Variants in PRICKLE1 observed in about 807,000 individuals in gnomAD.
PRICKLE1 encodes the protein prickle-like protein 1.
A neutral mutation model predicts 70.2 loss-of-function variants in PRICKLE1; 14 were observed. The observed-to-expected ratio is 0.20, with a 90% CI of 0.13 to 0.31. The LOEUF (loss-of-function observed/expected upper bound fraction) is 0.31, where lower values mean the gene tolerates loss of function less well. PRICKLE1 is among the 10% of genes least tolerant of loss of function. The probability of loss-of-function intolerance (pLI) is 1.00; values close to 1 mark genes in which losing one functional copy is unlikely to be tolerated. For missense variants in PRICKLE1, 821 were observed against 1,026.2 expected (o/e 0.80, Z 2.73); for synonymous variants, 357 against 379.9 (o/e 0.94, Z 0.70).
intron 1 of PRICKLE1, among the ~76,000 whole-genome samples, chr12:42,564,070 A>C (rs1178073317): frequency 1.3e-5 from 2 of 151,658 alleles, no homozygotes; most frequent in African/African-American, 4.8e-5. Context: ...CATCCTGGCC[A>C]ACATGGTGAA....
intron 1 of PRICKLE1, among the ~76,000 whole-genome samples, chr12:42,477,535 A>AC (rs1938617584): frequency 7.9e-6 from 1 of 125,932 alleles, no homozygotes; most frequent in Admixed American, 8.3e-5. Flanking sequence ...TATATATATG[A>AC]CCTCACAAAT....
chr12:42,507,901 C>T (rs902362547), intron 1 of PRICKLE1, among the ~76,000 whole-genome samples: 55 of 152,126 alleles, frequency 3.6e-4, no homozygotes, highest in African/African-American at 1.3e-3. Flanking sequence ...GGAGGATACA[C>T]AGTATAAGAT....
At chr12:42,491,887 G>A (rs1939111520) in intron 1 of PRICKLE1, among the ~76,000 whole-genome samples, 1 of 148,768 alleles carries the variant, frequency 6.7e-6, no homozygotes, top group Non-Finnish European at 1.5e-5. Context: ...GGGTTCAAGT[G>A]ATTCTCCTGC....
At chr12:42,532,855 TCACTG>T (rs1290567699) in intron 1 of PRICKLE1, among the ~76,000 whole-genome samples, 1 of 148,864 alleles carries the variant, frequency 6.7e-6, no homozygotes, top group East Asian at 2.0e-4. Context: ...CGAGATCGTG[TCACTG>T]CACTCCAGCC....
chr12:42,505,321 C>T (rs895197449), intron 1 of PRICKLE1, among the ~76,000 whole-genome samples: 8 of 152,190 alleles, frequency 5.3e-5, no homozygotes, highest in African/African-American at 1.9e-4. Flanking sequence ...GTTTTGTCCT[C>T]CACAGGTATT....
chr12:42,562,994 C>A (rs1323567111), intron 1 of PRICKLE1, among the ~76,000 whole-genome samples: 3 of 151,904 alleles, frequency 2.0e-5, no homozygotes, highest in Admixed American at 2.0e-4. Flanking sequence ...ACCAGCCTGG[C>A]CCACATGGTG....
chr12:42,466,259 G>C lies in PRICKLE1; in HGVS notation c.710C>G (p.Pro237Arg). The change falls in exon 6 of 8, where the codon CCC (proline) becomes CGC (arginine). Residue 237 changes from proline to arginine, a missense_variant. Physicochemically the swap from Pro to Arg is moderately radical, Grantham distance 103. Transcript: ENST00000345127. ...AGACTCAAAACAGCCACAGCAGAAG[G>C]GGCGGCCGTCCTTCATGATATACCT... ...GQRYIMKDGR[P>R]FCCGCFESLY... 2.5e-6 allele frequency: 4 copies of C among 1,614,188 alleles called. No homozygotes were observed. The highest frequency in any genetic ancestry group is 3.4e-6 in the Non-Finnish European group (4 of 1,180,030).
chr12:42,511,861 C>G (rs1939519261), intron 1 of PRICKLE1, among the ~76,000 whole-genome samples: 1 of 152,162 alleles, frequency 6.6e-6, no homozygotes, highest in Admixed American at 6.5e-5. Context: ...TTCTAGGATG[C>G]AAAGAATGCT....
intron 1 of PRICKLE1, among the ~76,000 whole-genome samples, chr12:42,572,464 TAAA>T (rs1566132158): frequency 1.1e-4 from 17 of 148,710 alleles, no homozygotes; most frequent in African/African-American, 2.3e-4. Flanking sequence ...AATAAATAAA[TAAA>T]TAAATTAAAA....
chr12:42,576,875 T>C (rs961335111), intron 1 of PRICKLE1, among the ~76,000 whole-genome samples: 1 of 152,202 alleles, frequency 6.6e-6, no homozygotes, highest in African/African-American at 2.4e-5. Context: ...TCTAGGCCAG[T>C]AGGTATGGTG....
chr12:42,465,011 C>T lies in PRICKLE1; in HGVS notation c.1023G>A (p.Arg341=), dbSNP rs370013528. 3.7e-6 allele frequency: 6 copies of T among 1,605,692 alleles called. No homozygotes were observed. The South Asian group carries it at 5.6e-5, about 15-fold the overall frequency. ...GAGACTGTCTACACTGATCTGCTGA[C>T]CGGCTGCTCTTGCCCATTCGGACAC... is the stretch of plus-strand genomic sequence containing the variant. The part of the protein sequence containing the change: ...RRSVRMGKSS[R]SADQCRQSLL... The change falls in exon 7 of 8, where the codon CGG becomes CGA. Residue 341 remains arginine (R), a synonymous_variant. Coordinates refer to ENST00000345127, the MANE Select transcript of PRICKLE1 (RefSeq NM_153026.3).
chr12:42,559,796 C>G (rs1325499964), intron 1 of PRICKLE1, among the ~76,000 whole-genome samples: 2 of 151,392 alleles, frequency 1.3e-5, no homozygotes, highest in Admixed American at 1.3e-4. Flanking sequence ...ACTGACCTAC[C>G]CCTTGGCTCT....
At chr12:42,573,961 T>G (rs1486426093) in intron 1 of PRICKLE1, among the ~76,000 whole-genome samples, 1 of 152,192 alleles carries the variant, frequency 6.6e-6, no homozygotes, top group Non-Finnish European at 1.5e-5. Context: ...TACTATTATT[T>G]CTTTCTCAGC....
At chr12:42,550,581 T>G (rs1447962451) in intron 1 of PRICKLE1, among the ~76,000 whole-genome samples, 1 of 152,170 alleles carries the variant, frequency 6.6e-6, no homozygotes, top group Non-Finnish European at 1.5e-5. Context: ...GTGGCATTTG[T>G]GGAAAAGACA....
chr12:42,566,050 G>C (rs1428594714), intron 1 of PRICKLE1, among the ~76,000 whole-genome samples: 1 of 152,218 alleles, frequency 6.6e-6, no homozygotes, highest in Non-Finnish European at 1.5e-5. Flanking sequence ...ACTGGCAGGA[G>C]GTTTGTGAAG....
rs117204998 is a variant in PRICKLE1, at chr12:42,511,037, G to T, written c.-48-38473C>A. On this transcript the variant is annotated intron_variant, in intron 1 of 7. Coordinates refer to ENST00000345127, the MANE Select transcript of PRICKLE1 (RefSeq NM_153026.3). ...TCACCAGACACTTCAAAAGAAGCAG[G>T]CCCAGCACAGGGGATGCCCTGGGTG... Among the ~76,000 whole-genome samples the T allele has an allele frequency of 4.1e-3, 630 of 152,298 alleles. 2 individuals carry two copies. The highest frequency in any genetic ancestry group is 7.1e-3 in the Non-Finnish European group (482 of 68,024).
At chr12:42,468,527 A>C in intron 5 of PRICKLE1, 99 bp downstream of exon 5, 4 of 1,079,412 alleles carry the variant, frequency 3.7e-6, no homozygotes, top group Non-Finnish European at 4.2e-6. Flanking sequence ...CACAGAACAA[A>C]ATCCAGGAAA....
intron 1 of PRICKLE1, among the ~76,000 whole-genome samples, chr12:42,562,030 G>A (rs1488952583): frequency 6.7e-6 from 1 of 149,668 alleles, no homozygotes; most frequent in African/African-American, 2.5e-5. Context: ...TCCTGTCTCA[G>A]CTCCCCGAGT....
At chr12:42,587,524 A>G (rs187212988) in intron 1 of PRICKLE1, among the ~76,000 whole-genome samples, 22 of 152,376 alleles carry the variant, frequency 1.4e-4, no homozygotes, top group African/African-American at 4.8e-4. Flanking sequence ...GAGCACATGC[A>G]TTGTTAACCT....
Sources: gnomAD v4.1 joint callset for allele counts (sites outside exome capture counted in the v4.1 genomes callset) on GRCh38, gnomAD v4.1.1 for gene constraint, MANE v1.5 for transcripts, NCBI Gene and HGNC (gene_info 2026-07-23, HGNC 2026-07-21) for gene names.